PDE10A: variants seen among roughly 807,000 people sequenced by gnomAD.
PDE10A encodes the protein phosphodiesterase 10A.
Under a neutral mutation model 97.7 loss-of-function variants are expected in PDE10A, and 39 were observed. The ratio of observed to expected loss-of-function variants is 0.40; its 90% confidence interval spans 0.31 to 0.52. The LOEUF is 0.52. PDE10A is among the 20% of genes least tolerant of loss of function. The pLI is 0.56. For synonymous variants in PDE10A, 371 were observed against 376.8 expected, an observed-to-expected ratio of 0.98 and a Z score of 0.18; for missense variants, 731 against 1,047.8, an observed-to-expected ratio of 0.70 and a Z score of 4.17.
chr6:165,805,428 T>G (rs1314045013), intron 1 of PDE10A, among the ~76,000 whole-genome samples: 1 of 151,928 alleles, frequency 6.6e-6, no homozygotes, highest in African/African-American at 2.4e-5. Flanking sequence ...TGAAAGTCAG[T>G]GATGTTTGAA....
Position 165,794,330 on chromosome 6 carries a change from C to A in PDE10A, c.-615+193199G>T, listed in dbSNP as rs60849529. Among the ~76,000 whole-genome samples the A allele has an allele frequency of 8.3e-3, 1,264 of 151,532 alleles. 24 individuals are homozygous for A. Among genetic ancestry groups the A allele is most frequent in the African/African-American group, 0.029 (1,205 of 41,296 alleles). On this transcript the variant is annotated intron_variant, in intron 1 of 19. Transcript: ENST00000366882. ...CACGCTCACACATACTCATCACACA[C>A]TCATAAACACCCAGACTCACACAGA...
At chr6:165,951,846 A>T (rs561032347) in intron 1 of PDE10A, among the ~76,000 whole-genome samples, 1 of 152,144 alleles carries the variant, frequency 6.6e-6, no homozygotes, top group East Asian at 1.9e-4. Flanking sequence ...TTCATTCAAC[A>T]AGCTTTTACT....
At chr6:165,432,489 C>T (rs763643332) in intron 7 of PDE10A, among the ~76,000 whole-genome samples, 10 of 152,028 alleles carry the variant, frequency 6.6e-5, no homozygotes, top group Non-Finnish European at 1.2e-4. Flanking sequence ...AGGAGTGAGG[C>T]CACTGAAGGA....
intron 1 of PDE10A, among the ~76,000 whole-genome samples, chr6:165,720,718 C>T (rs904472746): frequency 2.6e-5 from 4 of 152,166 alleles, no homozygotes; most frequent in South Asian, 2.1e-4. Flanking sequence ...GCTGGCCAGG[C>T]GTTTTAGGTG....
At chr6:165,901,126 C>T (rs1782093407) in intron 1 of PDE10A, among the ~76,000 whole-genome samples, 1 of 152,216 alleles carries the variant, frequency 6.6e-6, no homozygotes, top group Admixed American at 6.5e-5. Context: ...GATGATTCCG[C>T]AGCGAAACAT....
intron 2 of PDE10A, among the ~76,000 whole-genome samples, chr6:165,524,691 A>G (rs1490272730): frequency 6.6e-6 from 1 of 152,160 alleles, no homozygotes; most frequent in African/African-American, 2.4e-5. Context: ...CTGCAGAGGA[A>G]GAGCTGAAAT....
At chr6:165,396,590 C>T (rs1414705764) in intron 13 of PDE10A, 131 bp from the exon 14 acceptor site, 9 of 855,796 alleles carry the variant, frequency 1.1e-5, no homozygotes, top group East Asian at 7.9e-5. Context: ...TATTATTATC[C>T]GTATTTCCAT....
At chr6:165,413,749 C>T in intron 12 of PDE10A, 62 bp from the exon 13 acceptor site, 1 of 1,344,392 alleles carries the variant, frequency 7.4e-7, no homozygotes, top group Non-Finnish European at 1.0e-6. Flanking sequence ...ATAAAGGACA[C>T]AGTCAGTCAT....
rs1471557814 is a variant in PDE10A at position 165,388,528 on chromosome 6, T to C, written c.2455-75A>G. 3.0e-6 allele frequency: 4 copies of C among 1,338,548 alleles called. No individual in the cohort carries two copies. Among genetic ancestry groups the C allele is most frequent in the African/African-American group, 1.4e-5 (1 of 69,712 alleles). 82.9% of individuals were successfully genotyped at this position (1,338,548 alleles called of 1,614,324 possible). A position where few individuals can be genotyped will look rare whatever the true frequency, so the allele number is the denominator to read the frequency against. ...TGAGCAGACTTACCGCTTACATTCA[T>C]GTCACATTACTTTCTGGCATTAATA... On this transcript the variant is annotated intron_variant, in intron 16 of 21. Transcript: ENST00000539869. The surrounding 1 kb of genome is among the most constrained non-coding windows in gnomAD (Gnocchi z 4.0).
chr6:165,777,242 G>A (rs1466114729), intron 1 of PDE10A, among the ~76,000 whole-genome samples: 1 of 152,168 alleles, frequency 6.6e-6, no homozygotes, highest in Admixed American at 6.5e-5. Flanking sequence ...AGTTGCATTT[G>A]GGTGGCAAGA....
chr6:165,379,079 A>T, intron 18 of PDE10A, 115 bp downstream of exon 18: 1 of 707,676 alleles, frequency 1.4e-6, no homozygotes, highest in South Asian at 2.0e-5. Context: ...AAAACATGTA[A>T]ATTTTTTACA....
At chr6:165,572,339 GA>G (rs1785088027) in intron 1 of PDE10A, among the ~76,000 whole-genome samples, 1 of 152,038 alleles carries the variant, frequency 6.6e-6, no homozygotes, top group South Asian at 2.1e-4. Context: ...TTCCTCATTT[GA>G]AAAATGGAGA....
intron 1 of PDE10A, among the ~76,000 whole-genome samples, chr6:165,553,382 C>T (rs536849738): frequency 1.4e-4 from 21 of 152,156 alleles, no homozygotes; most frequent in African/African-American, 4.1e-4. Flanking sequence ...TTTTGGTTAA[C>T]TCGATTGACT....
chr6:165,538,030 G>A (rs1477255090), intron 2 of PDE10A, among the ~76,000 whole-genome samples: 1 of 151,708 alleles, frequency 6.6e-6, no homozygotes, highest in African/African-American at 2.4e-5. Flanking sequence ...TCCTTCTTCC[G>A]TATATATACT....
intron 18 of PDE10A, among the ~76,000 whole-genome samples, chr6:165,351,063 T>TA (rs1165383162): frequency 2.0e-5 from 3 of 152,212 alleles, no homozygotes; most frequent in East Asian, 3.9e-4. Context: ...TTATAAAGTT[T>TA]AAAAAAAATT....
At position 165,612,377 on chromosome 6, in the gene PDE10A, A is replaced by AT. The variant is rs200018373; in HGVS notation, c.865+49569dup. On this transcript the variant is annotated intron_variant, in intron 1 of 21. Transcript: ENST00000539869. ...AAAATGATGTGAGAAATAAACACAG[A>AT]TTTTTTTTTTTTCTATTGAGATGGA... is the stretch of plus-strand genomic sequence containing the variant. Among the ~76,000 whole-genome samples the AT allele has an allele frequency of 8.2e-3, 1,208 of 147,882 alleles. 13 individuals carry two copies. The highest frequency in any genetic ancestry group is 0.026 in the African/African-American group (1,062 of 40,504).
chr6:165,738,079 G>A (rs1361355367), intron 1 of PDE10A, among the ~76,000 whole-genome samples: 4 of 151,248 alleles, frequency 2.6e-5, no homozygotes, highest in East Asian at 2.0e-4. Flanking sequence ...AGTTACATAC[G>A]TATACATGTG....
chr6:165,649,002 G>A (rs1401184489), intron 1 of PDE10A, among the ~76,000 whole-genome samples: 5 of 152,094 alleles, frequency 3.3e-5, no homozygotes, highest in African/African-American at 9.7e-5. Flanking sequence ...CGCCACCAGG[G>A]TTTTCCCCAG....
chr6:165,418,249 A>T lies in PDE10A; in HGVS notation c.1796+386T>A, dbSNP rs1438142282. The stretch of plus-strand genomic sequence containing the variant: ...TCTACTACTGTCTGGACTGCGAGAC[A>T]GGCCACCGGTTGGGAAGAAGTAGGG... On this transcript the variant is annotated intron_variant, in intron 11 of 21. Coordinates refer to ENST00000539869, the MANE Select transcript of PDE10A (RefSeq NM_001385079.1). This position sits in a 1 kb window ranked among gnomAD's most constrained non-coding sequence, Gnocchi z 4.8. Among the ~76,000 whole-genome samples, 3 of 152,236 alleles carry T rather than the reference A, an allele frequency of 2.0e-5. No homozygotes were observed. Among genetic ancestry groups the T allele is most frequent in the African/African-American group, 7.2e-5 (3 of 41,470 alleles).
Sources: gnomAD v4.1 joint callset for allele counts (sites outside exome capture counted in the v4.1 genomes callset) on GRCh38, gnomAD v4.1.1 for gene constraint, Gnocchi (gnomAD v3.1) non-coding constraint, MANE v1.5 for transcripts, NCBI Gene and HGNC (gene_info 2026-07-23, HGNC 2026-07-21) for gene names.